Variants in VPS26A observed in about 807,000 individuals in gnomAD.
VPS26A encodes the protein VPS26 retromer complex component A, also known as vacuolar protein sorting-associated protein 26A.
Under a neutral mutation model 42.4 loss-of-function variants are expected in VPS26A, and 22 were observed. That is an observed-to-expected ratio of 0.52 (90% confidence interval 0.37 to 0.74). The LOEUF (loss-of-function observed/expected upper bound fraction) is 0.74, where lower values mean the gene tolerates loss of function less well. Among genes scored for constraint, VPS26A ranks in the 30% least tolerant of loss-of-function variants. VPS26A has a pLI of 0.00. For synonymous variants in VPS26A, 110 were observed against 123.5 expected (o/e 0.89, Z 0.73); for missense variants, 276 against 379.2 (o/e 0.73, Z 2.26).
At chr10:69,125,574 G>A (rs952032996) in intron 1 of VPS26A, among the ~76,000 whole-genome samples, 1 of 151,662 alleles carries the variant, frequency 6.6e-6, no homozygotes, top group Non-Finnish European at 1.5e-5. Flanking sequence ...AAACTTAAAA[G>A]GTCCTCCTAT....
rs1303552705 is a variant in VPS26A at position 69,163,614 on chromosome 10, T to C, written c.658+1102T>C. On this transcript the variant is annotated intron_variant, in intron 6 of 8. Transcript: ENST00000263559. ...CAGTGTAGTTCTGGGATTTTTCTTA[T>C]GGATTCTTTTTCCCCCACTGCTTTA... Among the ~76,000 whole-genome samples, 3 of 152,198 alleles carry C rather than the reference T, an allele frequency of 2.0e-5. No individual in the cohort carries two copies. The East Asian group carries it at 5.8e-4, about 29-fold the overall frequency.
rs1449379125 is a variant in VPS26A, at chr10:69,157,119, T to C, written c.342T>C (p.Val114=). 6.2e-7 allele frequency: 1 copy of C among 1,613,662 alleles called. No individual in the cohort carries two copies. The highest frequency in any genetic ancestry group is 2.2e-5 in the East Asian group (1 of 44,806). Residue 114 remains valine, a synonymous_variant, in exon 4 of 9, where the codon GTT becomes GTC. Coordinates refer to ENST00000263559, the MANE Select transcript of VPS26A (RefSeq NM_004896.5). The part of the protein sequence containing the change: ...SRSYDFEFMQ[V]EKPYESYIGA... ...GTTATGATTTTGAATTTATGCAAGT[T>C]GAAAAGCCATATGAATCTTACATCG...
chr10:69,155,946 G>C, intron 3 of VPS26A, 59 bp downstream of exon 3: 3 of 1,338,586 alleles, frequency 2.2e-6, no homozygotes, highest in Non-Finnish European at 3.1e-6. Flanking sequence ...AAGAGGGTTG[G>C]ATTTTGCACC....
rs113471870 is a variant in VPS26A at position 69,163,673 on chromosome 10, A to T, written c.658+1161A>T. Among the ~76,000 whole-genome samples the T allele has an allele frequency of 5.1e-3, 781 of 152,292 alleles. 10 individuals are homozygous for T. The highest frequency in any genetic ancestry group is 0.018 in the African/African-American group (739 of 41,566). ...TAATTGGCAAATAAAAATTGTATAT[A>T]TTCAAGATGTATGATGGAATGTTTA... On this transcript the variant is annotated intron_variant, in intron 6 of 8. Coordinates refer to ENST00000263559, the MANE Select transcript of VPS26A (RefSeq NM_004896.5).
At chr10:69,139,360 G>A (rs1418751213) in intron 2 of VPS26A, among the ~76,000 whole-genome samples, 1 of 152,028 alleles carries the variant, frequency 6.6e-6, no homozygotes, top group East Asian at 1.9e-4. Context: ...CTGGAGTGCG[G>A]TGGCATAATC....
At position 69,171,769 on chromosome 10, in the gene VPS26A, T is replaced by G. The variant is rs1397673700; in HGVS notation, c.*500T>G. On this transcript the variant is annotated 3_prime_UTR_variant, in exon 9 of 9. Transcript: ENST00000263559. ...GATTTAAAACATGGCATCTCAATAT[T>G]TTTGAGAACTACATTTGTTTTTAAC... 6.5e-6 allele frequency: 1 copy of G among 153,312 alleles called. No homozygotes were observed. The highest frequency in any genetic ancestry group is 1.5e-5 in the Non-Finnish European group (1 of 68,594). The allele number at this position is 153,312 out of a possible 1,614,324, so 9.5% of individuals were successfully genotyped here.
At chr10:69,162,192 G>A (rs1841579130) in intron 5 of VPS26A, among the ~76,000 whole-genome samples, 1 of 152,042 alleles carries the variant, frequency 6.6e-6, no homozygotes, top group African/African-American at 2.4e-5. Flanking sequence ...GTTTCGCCAT[G>A]TTGGCCAGGA....
chr10:69,157,027 AATACTCATG>A lies in VPS26A; in HGVS notation c.252_260del (p.Asn84_Glu87delinsLys). The A allele has an allele frequency of 6.2e-7, 1 of 1,611,274 alleles. No homozygotes were observed. The highest frequency in any genetic ancestry group is 8.5e-7 in the Non-Finnish European group (1 of 1,178,938). On this transcript the variant is annotated inframe_deletion, in exon 4 of 9. Coordinates refer to ENST00000263559, the MANE Select transcript of VPS26A (RefSeq NM_004896.5). ...CTCAGAACTTTTCAATGACAAGAGT[AATACTCATG>A]AATTTGTAAACCTAGTGAAAGAACT... is the stretch of plus-strand genomic sequence containing the variant.
chr10:69,127,485 G>GGAGCTTGCAGTGAGCC (rs1840683998), intron 1 of VPS26A, among the ~76,000 whole-genome samples: 1 of 150,962 alleles, frequency 6.6e-6, no homozygotes, highest in African/African-American at 2.4e-5. Context: ...CCCGGGAGGC[G>GGAGCTTGCAGTGAGCC]GAGCTTGCAG....
chr10:69,141,220 A>G (rs1321456881), intron 2 of VPS26A, among the ~76,000 whole-genome samples: 3 of 152,244 alleles, frequency 2.0e-5, no homozygotes, highest in Non-Finnish European at 4.4e-5. Context: ...TAGCCAGAAT[A>G]GTCTGGATTA....
chr10:69,134,583 G>A (rs1442705327), intron 2 of VPS26A, among the ~76,000 whole-genome samples: 1 of 151,956 alleles, frequency 6.6e-6, no homozygotes, highest in Non-Finnish European at 1.5e-5. Context: ...TATTTTGGTA[G>A]GCAGAAACAA....
chr10:69,136,225 G>A (rs868445339), intron 2 of VPS26A, among the ~76,000 whole-genome samples: 1 of 151,774 alleles, frequency 6.6e-6, no homozygotes, highest in African/African-American at 2.4e-5. Flanking sequence ...CATTGCAGGT[G>A]CAAAATGTCT....
At chr10:69,127,457 G>A (rs1393558347) in intron 1 of VPS26A, among the ~76,000 whole-genome samples, 1 of 151,384 alleles carries the variant, frequency 6.6e-6, no homozygotes, top group African/African-American at 2.4e-5. Flanking sequence ...GGAGGCTGAG[G>A]CAGGAGAATG....
chr10:69,140,069 CA>C (rs1444682067), intron 2 of VPS26A, among the ~76,000 whole-genome samples: 1 of 150,064 alleles, frequency 6.7e-6, no homozygotes, highest in Non-Finnish European at 1.5e-5. Flanking sequence ...TAGTTTTCCC[CA>C]ATGTTTTTTT....
At chr10:69,124,438 G>C (rs111426605) in intron 1 of VPS26A, among the ~76,000 whole-genome samples, 158 bp downstream of exon 1, 5,462 of 152,180 alleles carry the variant, frequency 0.036, 344 homozygotes, top group African/African-American at 0.12. Context: ...TCTGGGAAAA[G>C]CTGGCGGCGC....
intron 2 of VPS26A, among the ~76,000 whole-genome samples, chr10:69,150,618 AG>A (rs1841282350): frequency 6.6e-6 from 1 of 150,382 alleles, no homozygotes; most frequent in Non-Finnish European, 1.5e-5. Flanking sequence ...AGGATGGTCT[AG>A]ATCTCCTGAC....
At chr10:69,151,282 A>AAAAAAAAACAAAAAACAAAACACACAC (rs71035063) in intron 2 of VPS26A, among the ~76,000 whole-genome samples, 1 of 136,776 alleles carries the variant, frequency 7.3e-6, no homozygotes, top group African/African-American at 3.3e-5. Flanking sequence ...AAAAAAAAAA[A>AAAAAAAAACAAAAAACAAAACACACAC]ACACACACAC....
chr10:69,167,444 GAAAA>G (rs148169430), intron 7 of VPS26A, among the ~76,000 whole-genome samples: 2 of 77,432 alleles, frequency 2.6e-5, no homozygotes, highest in Non-Finnish European at 3.4e-5. Context: ...AAAAGAAAAA[GAAAA>G]AAAAAAGCCA....
At chr10:69,144,276 C>G (rs1259070527) in intron 2 of VPS26A, among the ~76,000 whole-genome samples, 1 of 152,088 alleles carries the variant, frequency 6.6e-6, no homozygotes, top group Admixed American at 6.5e-5. Context: ...AACTAAAGTC[C>G]ATAGTTTACA....
Sources: allele counts gnomAD v4.1 joint callset (sites outside exome capture counted in the v4.1 genomes callset), GRCh38; gene constraint gnomAD v4.1.1; transcripts MANE v1.5; gene names NCBI Gene and HGNC (gene_info 2026-07-23, HGNC 2026-07-21).